NR3C1: variants seen among roughly 807,000 people sequenced by gnomAD.
NR3C1 encodes the protein nuclear receptor subfamily 3 group C member 1, also known as glucocorticoid receptor.
In NR3C1, 14 loss-of-function variants were observed where a neutral mutation model predicts 74.0. The observed-to-expected ratio is 0.19, with a 90% CI of 0.12 to 0.30. The LOEUF is 0.30. Among genes scored for constraint, NR3C1 ranks in the 10% least tolerant of loss-of-function variants. The probability of loss-of-function intolerance (pLI) is 1.00; values close to 1 mark genes in which losing one functional copy is unlikely to be tolerated. For synonymous variants in NR3C1, 308 were observed against 332.5 expected (o/e 0.93, Z 0.80); for missense variants, 695 against 909.8 (o/e 0.76, Z 3.04).
At chr5:143,418,665 G>T (rs1032626513) in intron 1 of NR3C1, among the ~76,000 whole-genome samples, 1 of 152,206 alleles carries the variant, frequency 6.6e-6, no homozygotes. Context: ...GGTGAAGGCA[G>T]GGGTCAGGGA....
exon 1 of NR3C1, chr5:143,435,351 C>T (rs1021975479): frequency 1.0e-6 from 1 of 985,364 alleles, no homozygotes. Context: ...TTCTCCTTCT[C>T]TCTGCCATTT....
At chr5:143,283,596 T>C (rs983082790) in intron 7 of NR3C1, among the ~76,000 whole-genome samples, 2 of 152,186 alleles carry the variant, frequency 1.3e-5, no homozygotes, top group Non-Finnish European at 2.9e-5. Context: ...CATGCAATAC[T>C]TTTTTTAATG....
At chr5:143,340,476 ATTTTT>A (rs3074500) in intron 2 of NR3C1, among the ~76,000 whole-genome samples, 103 of 89,152 alleles carry the variant, frequency 1.2e-3, no homozygotes, top group African/African-American at 4.5e-3. Flanking sequence ...TTTAAAGATG[ATTTTT>A]TTTTTTTTTT....
chr5:143,295,216 T>C, intron 7 of NR3C1: 4 of 985,412 alleles, frequency 4.1e-6, no homozygotes, highest in Non-Finnish European at 4.8e-6. Context: ...ACACAGATTC[T>C]TATCAACAGA....
chr5:143,297,075 C>CAAA (rs766243522), intron 6 of NR3C1, among the ~76,000 whole-genome samples: 30 of 60,536 alleles, frequency 5.0e-4, no homozygotes, highest in Non-Finnish European at 6.0e-4. Context: ...AGACTCGTCT[C>CAAA]AAAAAAAAAA....
Position 143,362,453 on chromosome 5 carries a change from T to C in NR3C1, c.1184+37203A>G, listed in dbSNP as rs112650509. 5.5e-3 allele frequency among the ~76,000 whole-genome samples: 823 copies of C among 149,384 alleles called. 4 individuals are homozygous for C. Among genetic ancestry groups the C allele is most frequent in the East Asian group, 0.023 (116 of 5,014 alleles). ...TCGGCTCACGGCAAGCTCCACCTCCTGGGTTCATTCCATTCTCCTGCCTCA... is the reference window on the plus strand; with the variant it reads ...TCGGCTCACGGCAAGCTCCACCTCCCGGGTTCATTCCATTCTCCTGCCTCA... On this transcript the variant is annotated intron_variant, in intron 2 of 8. Coordinates refer to ENST00000394464, the MANE Select transcript of NR3C1 (RefSeq NM_000176.3).
intron 4 of NR3C1, among the ~76,000 whole-genome samples, chr5:143,308,319 T>TA (rs112071429): frequency 1.9e-4 from 29 of 151,006 alleles, no homozygotes; most frequent in African/African-American, 3.4e-4. Flanking sequence ...AAACAAAAAT[T>TA]AAAAAAAAAT....
intron 2 of NR3C1, among the ~76,000 whole-genome samples, chr5:143,339,293 C>T (rs1827767123): frequency 6.6e-6 from 1 of 152,106 alleles, no homozygotes; most frequent in Non-Finnish European, 1.5e-5. Context: ...GATAGCATGA[C>T]CTCCCCTACT....
chr5:143,317,994 A>G lies in NR3C1; in HGVS notation c.1185-3826T>C, dbSNP rs145838593. On this transcript the variant is annotated intron_variant, in intron 2 of 8. Transcript: ENST00000394464. ...CAAATCCTAGTTCCAGTGCTCTAAT[A>G]GCTGTGACAGTGGCTAGCTGACTTA... Among the ~76,000 whole-genome samples, 156 of 152,258 alleles carry G rather than the reference A, an allele frequency of 1.0e-3. 3 individuals are homozygous for G. In the East Asian group the frequency reaches 0.022, roughly 22 times the overall value.
chr5:143,358,927 C>T (rs1181001654), intron 2 of NR3C1, among the ~76,000 whole-genome samples: 1 of 151,976 alleles, frequency 6.6e-6, no homozygotes. Flanking sequence ...AAATCTTATG[C>T]AGAACCTCCA....
chr5:143,390,709 T>C (rs1459150795), intron 2 of NR3C1, among the ~76,000 whole-genome samples: 1 of 152,202 alleles, frequency 6.6e-6, no homozygotes, highest in African/African-American at 2.4e-5. Context: ...TATTCACTTA[T>C]TCCAGGCATA....
At chr5:143,411,755 C>T (rs1841300791) in intron 1 of NR3C1, among the ~76,000 whole-genome samples, 1 of 152,084 alleles carries the variant, frequency 6.6e-6, no homozygotes, top group African/African-American at 2.4e-5. Flanking sequence ...CTCTGTTCCC[C>T]TCAGGAGCTG....
intron 1 of NR3C1, among the ~76,000 whole-genome samples, chr5:143,414,182 T>C (rs981910572): frequency 6.6e-5 from 10 of 152,202 alleles, no homozygotes; most frequent in South Asian, 2.1e-4. Context: ...CTCCACTTAA[T>C]TGGGCCTTTT....
chr5:143,404,423 T>G (rs891605821), upstream of NR3C1: 142 of 985,096 alleles, frequency 1.4e-4, no homozygotes, highest in Non-Finnish European at 1.7e-4. Flanking sequence ...CACCACCGCA[T>G]CATCTGGGCG....
rs145057053 is a variant in NR3C1 at position 143,435,173 on chromosome 5, C to G, written c.-655G>C. 3.0e-6 allele frequency: 3 copies of G among 985,404 alleles called. No homozygotes were observed. In the African/African-American group the frequency reaches 5.2e-5, roughly 17 times the overall value. 61.0% of individuals were successfully genotyped at this position (985,404 alleles called of 1,614,324 possible). A position where few individuals can be genotyped will look rare whatever the true frequency, so the allele number is the denominator to read the frequency against. On this transcript the variant is annotated 5_prime_UTR_variant, in exon 1 of 9. Coordinates refer to the NR3C1 transcript ENST00000343796. ...CACACTAAGCAATTTTCCTCCCTGC[C>G]TTCACCACTTTCCCTTTTTTCTTCT...
chr5:143,410,510 A>G (rs1841256217), intron 1 of NR3C1, among the ~76,000 whole-genome samples: 1 of 152,142 alleles, frequency 6.6e-6, no homozygotes, highest in African/African-American at 2.4e-5. Flanking sequence ...AATTTTCTCT[A>G]TCCTCTTGTT....
chr5:143,418,570 A>C (rs529508195), intron 1 of NR3C1, among the ~76,000 whole-genome samples: 7 of 152,276 alleles, frequency 4.6e-5, no homozygotes, highest in African/African-American at 1.4e-4. Context: ...AGTGAGCTGG[A>C]GATAGAGGTA....
intron 1 of NR3C1, among the ~76,000 whole-genome samples, chr5:143,418,604 A>G (rs1751045566): frequency 6.6e-6 from 1 of 152,180 alleles, no homozygotes; most frequent in Non-Finnish European, 1.5e-5. Flanking sequence ...CCCTGCCCTC[A>G]GGGCTTTCCC....
rs995398046 is a variant in NR3C1, at chr5:143,280,615, T to C, written c.*1274A>G. On this transcript the variant is annotated 3_prime_UTR_variant, in exon 9 of 9. Transcript: ENST00000394464. The stretch of plus-strand genomic sequence containing the variant: ...AACTCTATGGCACACATTAGGGATG[T>C]GTAGTTTTACAAACATGGATGTCTG... 8 of 152,746 alleles carry C rather than the reference T, an allele frequency of 5.2e-5. No homozygotes were observed. Among genetic ancestry groups the C allele is most frequent in the African/African-American group, 1.9e-4 (8 of 41,572 alleles). 9.5% of individuals were successfully genotyped at this position (152,746 alleles called of 1,614,324 possible).
Sources: gnomAD v4.1 joint callset for allele counts (sites outside exome capture counted in the v4.1 genomes callset) on GRCh38, gnomAD v4.1.1 for gene constraint, MANE v1.5 for transcripts, NCBI Gene and HGNC (gene_info 2026-07-23, HGNC 2026-07-21) for gene names.